The following CAMSAP2 variants were observed in gnomAD, a reference collection of about 807,000 sequenced individuals.
CAMSAP2 encodes the protein calmodulin-regulated spectrin-associated protein 2.
Under a neutral mutation model 146.1 loss-of-function variants are expected in CAMSAP2, and 26 were observed. That is an observed-to-expected ratio of 0.18 (90% CI 0.13 to 0.25). The LOEUF (loss-of-function observed/expected upper bound fraction) is 0.25. Ranked by LOEUF, CAMSAP2 falls within the 10% of genes least tolerant of loss-of-function variation. The pLI, the probability that CAMSAP2 is intolerant of heterozygous loss-of-function variation, is 1.00. For missense variants in CAMSAP2, 1,381 were observed against 1,759.3 expected (o/e 0.78, Z 3.85); for synonymous variants, 499 against 596.6 (o/e 0.84, Z 2.38).
intron 7 of CAMSAP2, among the ~76,000 whole-genome samples, chr1:200,844,082 A>T (rs1441431037): frequency 6.6e-6 from 1 of 151,894 alleles, no homozygotes; most frequent in East Asian, 2.0e-4. Flanking sequence ...CATGTTAGCC[A>T]GGATGGTCTC....
rs142795176 is a variant in CAMSAP2 at position 200,817,095 on chromosome 1, T to C, written c.645+1451T>C. On this transcript the variant is annotated intron_variant, in intron 4 of 16. Transcript: ENST00000358823. ...ATATGTGTATACACACACACGTATA[T>C]ATGTATACACACACGTGTGTGTATA... Among the ~76,000 whole-genome samples the C allele has an allele frequency of 2.9e-3, 425 of 145,262 alleles. 2 individuals carry two copies. Among genetic ancestry groups the C allele is most frequent in the African/African-American group, 0.01 (400 of 39,958 alleles).
At chr1:200,842,261 G>T (rs1379006687) in intron 7 of CAMSAP2, among the ~76,000 whole-genome samples, 174 bp downstream of exon 7, 1 of 152,080 alleles carries the variant, frequency 6.6e-6, no homozygotes, top group African/African-American at 2.4e-5. Flanking sequence ...AGAAGAAAAA[G>T]AAAATGGAGG....
At position 200,858,158 on chromosome 1, in the gene CAMSAP2, A is replaced by C. The variant is rs772137686; in HGVS notation, c.*99A>C. On this transcript the variant is annotated 3_prime_UTR_variant, in exon 17 of 17. Coordinates refer to ENST00000358823, the MANE Select transcript of CAMSAP2 (RefSeq NM_203459.4). The stretch of plus-strand genomic sequence containing the variant: ...TCTAATTGCCAACAAGACTTTTATT[A>C]ATTAAAACTGGACATTAAGCTCTGT... 2.8e-6 allele frequency: 3 copies of C among 1,063,594 alleles called. No individual in the cohort carries two copies. The highest frequency in any genetic ancestry group is 4.1e-6 in the Non-Finnish European group (3 of 738,310). The allele number at this position is 1,063,594 out of a possible 1,614,324, so 65.9% of individuals were successfully genotyped here.
intron 2 of CAMSAP2, among the ~76,000 whole-genome samples, chr1:200,805,247 A>C (rs1666141868): frequency 6.6e-6 from 1 of 152,228 alleles, no homozygotes; most frequent in African/African-American, 2.4e-5. Flanking sequence ...TCAGTTTTCT[A>C]GAAGCTGGAA....
At chr1:200,752,142 C>T (rs1045800901) in intron 1 of CAMSAP2, among the ~76,000 whole-genome samples, 2 of 151,834 alleles carry the variant, frequency 1.3e-5, no homozygotes, top group African/African-American at 4.8e-5. Context: ...AATGCATGAC[C>T]GTTGGGGGAA....
chr1:200,813,324 T>C lies in CAMSAP2; in HGVS notation c.562-2237T>C, dbSNP rs531715301. On this transcript the variant is annotated intron_variant, in intron 3 of 16. Coordinates refer to ENST00000358823, the MANE Select transcript of CAMSAP2 (RefSeq NM_203459.4). ...GGCTACACCTCTTAATATTAACACA[T>C]TGGGGATTAAGTTTCAAATATGAAC... 7.9e-5 allele frequency among the ~76,000 whole-genome samples: 12 copies of C among 152,312 alleles called. No individual in the cohort carries two copies. In the South Asian group the frequency reaches 2.5e-3, roughly 32 times the overall value.
chr1:200,832,869 C>A lies in CAMSAP2; in HGVS notation c.927+24C>A. On this transcript the variant is annotated intron_variant, in intron 6 of 16. Coordinates refer to ENST00000358823, the MANE Select transcript of CAMSAP2 (RefSeq NM_203459.4). The surrounding 1 kb of genome is among the most constrained non-coding windows in gnomAD (Gnocchi z 4.2). ...AGGTAAATTAAATTATTCTTTTTTT[C>A]CCTTTGCTTTGTTAAAATATGTTTT... 1 of 1,541,072 alleles carries A rather than the reference C, an allele frequency of 6.5e-7. No individual in the cohort carries two copies. Among genetic ancestry groups the A allele is most frequent in the Non-Finnish European group, 8.7e-7 (1 of 1,144,838 alleles).
chr1:200,848,869 C>G lies in CAMSAP2; in HGVS notation c.2100C>G (p.Thr700=), dbSNP rs139169028. 6.2e-7 allele frequency: 1 copy of G among 1,614,052 alleles called. No individual in the cohort carries two copies. Among genetic ancestry groups the G allele is most frequent in the South Asian group, 1.1e-5 (1 of 91,076 alleles). ...AEQKFRKLNH[T]DGKSSGSSSQ... is the part of the protein sequence containing the mutation. Reference sequence around the variant, plus strand: ...AAAAATTCAGGAAACTGAATCATACCGATGGAAAAAGTAGTGGAAGCAGTT... The same window carrying G: ...AAAAATTCAGGAAACTGAATCATACGGATGGAAAAAGTAGTGGAAGCAGTT... The change falls in exon 11 of 17, where the codon ACC becomes ACG. Residue 700 remains threonine (T), a synonymous_variant. Coordinates refer to ENST00000358823, the MANE Select transcript of CAMSAP2 (RefSeq NM_203459.4).
rs772050613 is a variant in CAMSAP2 at position 200,853,227 on chromosome 1, T to C, written c.3603-48T>C. 3 of 1,506,502 alleles carry C rather than the reference T, an allele frequency of 2.0e-6. No homozygotes were observed. The highest frequency in any genetic ancestry group is 2.3e-5 in the East Asian group (1 of 44,284). The allele number at this position is 1,506,502 out of a possible 1,614,324, so 93.3% of individuals were successfully genotyped here. A position where few individuals can be genotyped will look rare whatever the true frequency, so the allele number is the denominator to read the frequency against. ...AAATACATAACTCTCTCCTGTATGG[T>C]TTGTCTTTGGTATGCAGAATAAGAA... On this transcript the variant is annotated intron_variant, in intron 12 of 16. Transcript: ENST00000358823. The surrounding 1 kb of genome is among the most constrained non-coding windows in gnomAD (Gnocchi z 5.1).
intron 1 of CAMSAP2, among the ~76,000 whole-genome samples, chr1:200,756,383 G>A (rs1340634134): frequency 3.9e-5 from 6 of 152,042 alleles, no homozygotes; most frequent in African/African-American, 1.5e-4. Context: ...AACCCAGGAG[G>A]TGGAGGTTGC....
chr1:200,760,752 C>T, intron 1 of CAMSAP2, 87 bp from the exon 2 acceptor site: 1 of 985,538 alleles, frequency 1.0e-6, no homozygotes, highest in Non-Finnish European at 1.4e-6. Context: ...ATCTTAAATT[C>T]TATGACATAA....
chr1:200,796,340 A>T (rs898090651), intron 2 of CAMSAP2, among the ~76,000 whole-genome samples: 2 of 152,210 alleles, frequency 1.3e-5, no homozygotes, highest in Non-Finnish European at 2.9e-5. Context: ...CTGTTTTTAT[A>T]CCAGTACCGT....
chr1:200,766,287 A>G (rs1473495150), intron 2 of CAMSAP2, among the ~76,000 whole-genome samples: 1 of 151,534 alleles, frequency 6.6e-6, no homozygotes. Context: ...GGGTCTGCAG[A>G]CGTGCACCAC....
rs747844323 is a variant in CAMSAP2, at chr1:200,848,848, A to G, written c.2079A>G (p.Lys693=). Residue 693 remains lysine (K), a synonymous_variant, in exon 11 of 17, where the codon AAA becomes AAG. Transcript: ENST00000358823. ...GVKMTSFAEQ[K]FRKLNHTDGK... Reference sequence around the variant, plus strand: ...AAATGACCAGCTTTGCTGAACAAAAATTCAGGAAACTGAATCATACCGATG... The same window carrying G: ...AAATGACCAGCTTTGCTGAACAAAAGTTCAGGAAACTGAATCATACCGATG... The G allele has an allele frequency of 6.2e-7, 1 of 1,614,198 alleles. No homozygotes were observed. The highest frequency in any genetic ancestry group is 1.7e-5 in the Admixed American group (1 of 60,008).
intron 7 of CAMSAP2, 98 bp downstream of exon 7, chr1:200,842,185 ATT>A: frequency 6.5e-6 from 5 of 767,360 alleles, no homozygotes; most frequent in Non-Finnish European, 8.3e-6. Context: ...TCAGCCTATT[ATT>A]TTTTTTTTAG....
At chr1:200,742,327 C>T (rs966552287) in intron 1 of CAMSAP2, among the ~76,000 whole-genome samples, 4 of 152,096 alleles carry the variant, frequency 2.6e-5, no homozygotes, top group Non-Finnish European at 5.9e-5. Context: ...ATATTGTTGG[C>T]TATTACATTT....
At chr1:200,758,543 A>G (rs1010818818) in intron 1 of CAMSAP2, among the ~76,000 whole-genome samples, 12 of 152,224 alleles carry the variant, frequency 7.9e-5, no homozygotes, top group Non-Finnish European at 1.0e-4. Flanking sequence ...AGTGTTTTCA[A>G]TTATTAAATG....
At chr1:200,804,784 G>A (rs72746852) in intron 2 of CAMSAP2, among the ~76,000 whole-genome samples, 1 of 152,334 alleles carries the variant, frequency 6.6e-6, no homozygotes, top group Non-Finnish European at 1.5e-5. Context: ...ATACTTCTTA[G>A]AGGAGATTGA....
chr1:200,773,594 A>G (rs1665178633), intron 2 of CAMSAP2, among the ~76,000 whole-genome samples: 1 of 152,034 alleles, frequency 6.6e-6, no homozygotes, highest in Non-Finnish European at 1.5e-5. Flanking sequence ...CTATGCATTC[A>G]CTGCAGATTA....
Sources: allele counts gnomAD v4.1 joint callset (sites outside exome capture counted in the v4.1 genomes callset), GRCh38; gene constraint gnomAD v4.1.1; non-coding constraint Gnocchi (gnomAD v3.1); transcripts MANE v1.5; gene names NCBI Gene and HGNC (gene_info 2026-07-23, HGNC 2026-07-21).